The following SDK1 variants were observed in gnomAD, a reference collection of about 807,000 sequenced individuals.
SDK1 encodes the protein protein sidekick-1.
A neutral mutation model predicts 245.5 loss-of-function variants in SDK1; 157 were observed. The observed-to-expected ratio is 0.64, with a 90% CI of 0.56 to 0.73. The LOEUF is 0.73. Among genes scored for constraint, SDK1 ranks in the 30% least tolerant of loss-of-function variants. The probability of loss-of-function intolerance (pLI) is 0.00; values close to 1 mark genes in which losing one functional copy is unlikely to be tolerated. For missense variants in SDK1, 3,583 were observed against 3,002.3 expected (o/e 1.19, Z -4.52); for synonymous variants, 1,647 against 1,278.5 (o/e 1.29, Z -6.15).
intron 4 of SDK1, among the ~76,000 whole-genome samples, chr7:3,697,180 C>T (rs529859536): frequency 7.2e-4 from 109 of 152,278 alleles, no homozygotes; most frequent in Non-Finnish European, 1.2e-3. Flanking sequence ...GTTTGTTTAT[C>T]TTACTTTTGG....
intron 4 of SDK1, among the ~76,000 whole-genome samples, chr7:3,748,306 C>A (rs55690841): frequency 6.6e-6 from 1 of 151,980 alleles, no homozygotes; most frequent in Non-Finnish European, 1.5e-5. Context: ...CTTTATTTCC[C>A]GGATTCTCTA....
intron 5 of SDK1, among the ~76,000 whole-genome samples, chr7:3,923,089 T>A (rs563785116): frequency 5.0e-4 from 76 of 152,348 alleles, no homozygotes; most frequent in African/African-American, 1.8e-3. Flanking sequence ...CATCTGAAAG[T>A]AGTCTTTTCT....
chr7:3,458,303 A>G (rs1391756794), intron 1 of SDK1, among the ~76,000 whole-genome samples: 2 of 151,952 alleles, frequency 1.3e-5, no homozygotes, highest in Non-Finnish European at 2.9e-5. Flanking sequence ...TCTCTTTCTG[A>G]AATTCATTTA....
At chr7:3,830,947 G>C (rs1303023982) in intron 5 of SDK1, among the ~76,000 whole-genome samples, 2 of 152,144 alleles carry the variant, frequency 1.3e-5, no homozygotes, top group African/African-American at 4.8e-5. Context: ...TATATTGAGA[G>C]TGACCCAAGA....
chr7:3,725,540 C>T (rs1778982347), intron 4 of SDK1, among the ~76,000 whole-genome samples: 1 of 152,180 alleles, frequency 6.6e-6, no homozygotes, highest in Non-Finnish European at 1.5e-5. Flanking sequence ...AATACAGTTA[C>T]TATTATTCCA....
intron 1 of SDK1, among the ~76,000 whole-genome samples, chr7:3,348,551 C>T (rs1053834814): frequency 5.7e-4 from 86 of 152,056 alleles, no homozygotes; most frequent in Admixed American, 5.2e-3. Flanking sequence ...ACTACTAGAG[C>T]GGGAGGGAGG....
At chr7:3,479,041 C>T (rs1026102960) in intron 1 of SDK1, among the ~76,000 whole-genome samples, 7 of 152,108 alleles carry the variant, frequency 4.6e-5, no homozygotes, top group African/African-American at 1.7e-4. Context: ...GTGTATTAAA[C>T]TGATTGTTTA....
intron 30 of SDK1, 27 bp from the exon 31 acceptor site, chr7:4,158,421 G>A (rs1222253394): frequency 6.3e-7 from 1 of 1,580,248 alleles, no homozygotes; most frequent in South Asian, 1.1e-5. Flanking sequence ...CAGGGCCCCG[G>A]CAGTCACGGT....
intron 35 of SDK1, among the ~76,000 whole-genome samples, chr7:4,184,097 C>G (rs572516010): frequency 2.0e-5 from 3 of 152,344 alleles, no homozygotes; most frequent in East Asian, 3.9e-4. Flanking sequence ...TGTAACAACC[C>G]TAATCTGCTG....
Position 3,723,879 on chromosome 7 carries a change from CATATATATAT to C in SDK1, c.713+81776_713+81785del, listed in dbSNP as rs573871877. 5.7e-4 allele frequency among the ~76,000 whole-genome samples: 68 copies of C among 119,506 alleles called. 4 individuals carry two copies. Among genetic ancestry groups the C allele is most frequent in the African/African-American group, 2.6e-3 (67 of 26,068 alleles). 78.4% of individuals were successfully genotyped at this position (119,506 alleles called of 152,430 possible). Reference sequence around the variant, plus strand: ...ACATATACACGTGTATATACACGTACATATATATATACACGTGTATATACACGTACATATA... The same window carrying C: ...ACATATACACGTGTATATACACGTACACACGTGTATATACACGTACATATA... On this transcript the variant is annotated intron_variant, in intron 4 of 44. Coordinates refer to ENST00000404826, the MANE Select transcript of SDK1 (RefSeq NM_152744.4).
At chr7:4,252,110 GGTTT>G in intron 44 of SDK1, among the ~76,000 whole-genome samples, 1 of 152,122 alleles carries the variant, frequency 6.6e-6, no homozygotes, top group East Asian at 1.9e-4. Flanking sequence ...ACAACGTGCA[GGTTT>G]GTTACATATA....
intron 1 of SDK1, among the ~76,000 whole-genome samples, chr7:3,336,800 T>G (rs1418069594): frequency 6.6e-6 from 1 of 152,144 alleles, no homozygotes; most frequent in African/African-American, 2.4e-5. Flanking sequence ...AAAGTGTCAG[T>G]GAGCTGAACT....
chr7:3,978,633 A>G (rs1466500943), intron 13 of SDK1, among the ~76,000 whole-genome samples: 1 of 152,208 alleles, frequency 6.6e-6, no homozygotes, highest in African/African-American at 2.4e-5. Context: ...CTCTACAACA[A>G]TAATGGCAAT....
At chr7:3,382,830 C>T (rs370727769) in intron 1 of SDK1, among the ~76,000 whole-genome samples, 83 of 152,002 alleles carry the variant, frequency 5.5e-4, no homozygotes, top group African/African-American at 1.9e-3. Context: ...AGTGGTAGTC[C>T]CCCAAGAGAT....
intron 5 of SDK1, among the ~76,000 whole-genome samples, chr7:3,878,650 CCTCT>C (rs1422932481): frequency 6.6e-6 from 1 of 152,206 alleles, no homozygotes; most frequent in Admixed American, 6.5e-5. Flanking sequence ...CTCATATAAT[CCTCT>C]CTCTTTGTAG....
At chr7:4,104,864 G>A (rs562863446) in intron 22 of SDK1, among the ~76,000 whole-genome samples, 136 of 150,710 alleles carry the variant, frequency 9.0e-4, no homozygotes, top group African/African-American at 3.2e-3. Flanking sequence ...ACCATGCCTG[G>A]CTAATTTTTT....
chr7:3,563,959 G>A (rs902140117), intron 1 of SDK1, among the ~76,000 whole-genome samples: 1 of 151,732 alleles, frequency 6.6e-6, no homozygotes, highest in African/African-American at 2.4e-5. Context: ...AATAGCTATT[G>A]AATTAAAAAA....
intron 1 of SDK1, among the ~76,000 whole-genome samples, chr7:3,364,042 C>T (rs1290204160): frequency 3.3e-5 from 5 of 152,194 alleles, no homozygotes; most frequent in South Asian, 2.1e-4. Context: ...TTGCATTCCC[C>T]TAATGTTGAA....
chr7:4,266,101 G>A lies in SDK1; in HGVS notation c.*717G>A. 1.0e-6 allele frequency: 1 copy of A among 985,478 alleles called. No individual in the cohort carries two copies. Among genetic ancestry groups the A allele is most frequent in the Non-Finnish European group, 1.2e-6 (1 of 829,966 alleles). The allele number at this position is 985,478 out of a possible 1,614,324, so 61.0% of individuals were successfully genotyped here. ...CCTTCCTTCTCACCTGACAGCGAGG[G>A]AGAGGGAAGCCTCTTAGGGCTGGAA... On this transcript the variant is annotated 3_prime_UTR_variant, in exon 45 of 45. Transcript: ENST00000404826.
Sources: allele counts gnomAD v4.1 joint callset (sites outside exome capture counted in the v4.1 genomes callset), GRCh38; gene constraint gnomAD v4.1.1; transcripts MANE v1.5; gene names NCBI Gene and HGNC (gene_info 2026-07-23, HGNC 2026-07-21).